SCN7A: variants seen among roughly 807,000 people sequenced by gnomAD.
SCN7A encodes sodium channel protein type 7 subunit alpha.
In SCN7A, 138 loss-of-function variants were observed where a neutral mutation model predicts 155.2. The observed-to-expected ratio is 0.89, with a 90% confidence interval of 0.77 to 1.02. SCN7A has a LOEUF of 1.02. SCN7A is among the 50% of genes least tolerant of loss of function. The probability of loss-of-function intolerance (pLI) is 0.00; values close to 1 mark genes in which losing one functional copy is unlikely to be tolerated. For synonymous variants in SCN7A, 693 were observed against 649.0 expected (o/e 1.07, Z -1.03); for missense variants, 2,058 against 1,986.6 (o/e 1.04, Z -0.68).
In SCN7A at chr2:166,443,522, A is replaced by G. The variant is rs763023712; in HGVS notation, c.1781T>C (p.Leu594Pro). The G allele has an allele frequency of 1.3e-6, 2 of 1,594,698 alleles. No individual in the cohort carries two copies. The highest frequency in any genetic ancestry group is 2.3e-5 in the East Asian group (1 of 44,358). ...ACTTACCATCCTGAATAATCGAAGA[A>G]GAGCCATTCCTGCAACATTTGCTAG... is the stretch of plus-strand genomic sequence containing the variant. ...LCLANVAGMA[L>P]LRLFRMLRIF... The change falls in exon 14 of 26, where the codon CTT (leucine) becomes CCT (proline). Residue 594 changes from leucine (L) to proline (P), a missense_variant. Leu to Pro is a moderately conservative substitution (Grantham distance 98). Coordinates refer to ENST00000643258, the MANE Select transcript of SCN7A (RefSeq NM_002976.4).
intron 1 of SCN7A, among the ~76,000 whole-genome samples, chr2:166,488,047 G>A (rs976691565): frequency 1.3e-5 from 2 of 152,156 alleles, no homozygotes; most frequent in African/African-American, 4.8e-5. Flanking sequence ...GGTACCATCG[G>A]CATAAGCAAA....
intron 7 of SCN7A, among the ~76,000 whole-genome samples, chr2:166,470,164 G>A (rs112429800): frequency 5.3e-5 from 8 of 151,778 alleles, no homozygotes; most frequent in African/African-American, 1.7e-4. Flanking sequence ...GAATTTTATG[G>A]CATGTGAATT....
chr2:166,443,700 G>A, intron 13 of SCN7A, 24 bp from the exon 14 acceptor site: 1 of 1,485,894 alleles, frequency 6.7e-7, no homozygotes, highest in Non-Finnish European at 9.1e-7. Context: ...AAATACATAG[G>A]TGAGAATATG....
In SCN7A at chr2:166,423,255, G is replaced by A. The variant is rs199750831; in HGVS notation, c.3027+4C>T. 62 of 1,598,176 alleles carry A rather than the reference G, an allele frequency of 3.9e-5. No individual in the cohort carries two copies. The highest frequency in any genetic ancestry group is 2.2e-4 in the Admixed American group (12 of 55,124). On this transcript the variant is annotated splice_donor_region_variant and intron_variant, in intron 19 of 25. Transcript: ENST00000643258. ...TAGCCTTTCATTTTCTTTAAAATAC[G>A]TACAATAACAACCACGAAGTCCAGC... is the stretch of plus-strand genomic sequence containing the variant.
At chr2:166,464,794 T>A (rs1041371186) in intron 9 of SCN7A, among the ~76,000 whole-genome samples, 1 of 152,198 alleles carries the variant, frequency 6.6e-6, no homozygotes, top group Non-Finnish European at 1.5e-5. Context: ...TTATATTGTC[T>A]TTCTTCGTCA....
At chr2:166,466,039 C>G (rs932634297) in intron 7 of SCN7A, 52 bp from the exon 8 acceptor site, 1 of 1,372,688 alleles carries the variant, frequency 7.3e-7, no homozygotes, top group Non-Finnish European at 1.0e-6. Flanking sequence ...TAGAAAAGCA[C>G]TATTGGCAAA....
At chr2:166,419,676 A>G (rs1311415598) in intron 20 of SCN7A, among the ~76,000 whole-genome samples, 1 of 152,030 alleles carries the variant, frequency 6.6e-6, no homozygotes, top group East Asian at 1.9e-4. Flanking sequence ...CTGTTTTGTC[A>G]TTTTAACTTC....
At chr2:166,465,740 A>G (rs1177096862) in intron 8 of SCN7A, 41 bp downstream of exon 8, 3 of 1,598,382 alleles carry the variant, frequency 1.9e-6, no homozygotes, top group Middle Eastern at 1.8e-4. Context: ...GCCTTTAACG[A>G]AAGTTTCAAT....
intron 16 of SCN7A, among the ~76,000 whole-genome samples, chr2:166,430,152 A>G (rs1701703729): frequency 6.6e-6 from 1 of 152,042 alleles, no homozygotes; most frequent in South Asian, 2.1e-4. Context: ...ATAAAAATTA[A>G]GAAAAAAATC....
At chr2:166,425,048 G>A (rs146955528) in intron 18 of SCN7A, among the ~76,000 whole-genome samples, 167 of 152,194 alleles carry the variant, frequency 1.1e-3, no homozygotes, top group African/African-American at 3.7e-3. Context: ...CACAATCAAC[G>A]GCTGAGTGGA....
At chr2:166,446,875 G>A (rs866365408) in intron 12 of SCN7A, among the ~76,000 whole-genome samples, 1 of 152,136 alleles carries the variant, frequency 6.6e-6, no homozygotes, top group Admixed American at 6.5e-5. Context: ...ACCTGTCGGT[G>A]GGTAGGGGGC....
At position 166,405,644 on chromosome 2, in the gene SCN7A, G is replaced by A. The variant is rs369467319; in HGVS notation, c.4985C>T (p.Ala1662Val). Residue 1662 changes from alanine (A) to valine (V), a missense_variant, in exon 26 of 26, where the codon GCT becomes GTT. By Grantham distance (64) the Ala-to-Val change is moderately conservative. Transcript: ENST00000643258. ...HMIDGDRDVH[A>V]TKEGAYFDKA... is the part of the protein sequence containing the mutation. ...GTCAAAATAGGCACCTTCTTTAGTA[G>A]CATGAACATCTCTGTCACCATCTAT... The A allele has an allele frequency of 5.0e-6, 8 of 1,612,080 alleles. No individual in the cohort carries two copies. The highest frequency in any genetic ancestry group is 4.5e-5 in the East Asian group (2 of 44,836).
chr2:166,465,666 C>T, intron 8 of SCN7A, 115 bp downstream of exon 8: 1 of 1,309,436 alleles, frequency 7.6e-7, no homozygotes. Flanking sequence ...CCTTGCCTTT[C>T]AACCAGCGCC....
chr2:166,441,961 T>C (rs1701971372), intron 14 of SCN7A, among the ~76,000 whole-genome samples: 1 of 152,218 alleles, frequency 6.6e-6, no homozygotes. Context: ...CATATCCTCT[T>C]CTACTGATGT....
intron 1 of SCN7A, among the ~76,000 whole-genome samples, chr2:166,488,060 T>C (rs1703091427): frequency 3.3e-5 from 5 of 152,212 alleles, no homozygotes; most frequent in Middle Eastern, 3.2e-3. Context: ...TAAGCAAAGA[T>C]ACAGAGTTAA....
chr2:166,490,979 C>G (rs781456670), intron 1 of SCN7A, among the ~76,000 whole-genome samples: 1 of 152,098 alleles, frequency 6.6e-6, no homozygotes, highest in Non-Finnish European at 1.5e-5. Flanking sequence ...CAACATGGAG[C>G]CCCAGGGCCA....
rs747378446 is a variant in SCN7A at position 166,432,781 on chromosome 2, T to C, written c.2158-29A>G. 6.9e-6 allele frequency: 10 copies of C among 1,448,758 alleles called. No individual in the cohort carries two copies. In the East Asian group the frequency reaches 1.4e-4, roughly 20 times the overall value. The allele number at this position is 1,448,758 out of a possible 1,614,324, so 89.7% of individuals were successfully genotyped here. A position where few individuals can be genotyped will look rare whatever the true frequency, so the allele number is the denominator to read the frequency against. ...AATAAGGAAGTAAAATGAGGCTAAA[T>C]GTATCTCATTTTGTTTCATTTTAAG... is the stretch of plus-strand genomic sequence containing the variant. On this transcript the variant is annotated intron_variant, in intron 15 of 25. Transcript: ENST00000643258.
Position 166,476,511 on chromosome 2 carries a change from T to C in SCN7A, c.234+952A>G, listed in dbSNP as rs78008701. On this transcript the variant is annotated intron_variant, in intron 3 of 25. Coordinates refer to ENST00000643258, the MANE Select transcript of SCN7A (RefSeq NM_002976.4). ...TTAGTCAGTCAGGTCATGCTGTTTC[T>C]TCTCAGCTTTGTTCTCTCTGTCTCC... Among the ~76,000 whole-genome samples the C allele has an allele frequency of 9.2e-5, 14 of 152,158 alleles. No homozygotes were observed. In the East Asian group the frequency reaches 2.7e-3, roughly 29 times the overall value.
rs142676033 is a variant in SCN7A at position 166,465,846 on chromosome 2, C to T, written c.806G>A (p.Arg269Gln). 22 of 1,613,800 alleles carry T rather than the reference C, an allele frequency of 1.4e-5. No homozygotes were observed. The African/African-American group carries it at 2.0e-4, about 15-fold the overall frequency. Residue 269 changes from arginine (R) to glutamine (Q), a missense_variant, in exon 8 of 26, where the codon CGA becomes CAA. Coordinates refer to ENST00000643258, the MANE Select transcript of SCN7A (RefSeq NM_002976.4). ...FMGNLKHKCF[R>Q]WPQENENETL... is the part of the protein sequence containing the mutation. ...TTCATTTTCATTCTCTTGGGGCCAT[C>T]GAAAACATTTATGTTTCAAGTTGCC...
Sources: gnomAD v4.1 joint callset for allele counts (sites outside exome capture counted in the v4.1 genomes callset) on GRCh38, gnomAD v4.1.1 for gene constraint, MANE v1.5 for transcripts, NCBI Gene and HGNC (gene_info 2026-07-23, HGNC 2026-07-21) for gene names.